The following SPEF2 variants were observed in gnomAD, a reference collection of about 807,000 sequenced individuals.
SPEF2 encodes sperm flagellar and cilia associated 2.
In SPEF2, 187 loss-of-function variants were observed where a neutral mutation model predicts 224.6. That is an observed-to-expected ratio of 0.83 (90% confidence interval 0.74 to 0.94). The LOEUF (loss-of-function observed/expected upper bound fraction) is 0.94. Ranked by LOEUF, SPEF2 falls within the 40% of genes least tolerant of loss-of-function variation. The probability of loss-of-function intolerance (pLI) is 0.00; values close to 1 mark genes in which losing one functional copy is unlikely to be tolerated. For synonymous variants in SPEF2, 715 were observed against 707.3 expected (o/e 1.01, Z -0.17); for missense variants, 2,170 against 2,135.6 (o/e 1.02, Z -0.32).
chr5:35,743,331 A>T (rs1747979968), intron 23 of SPEF2, among the ~76,000 whole-genome samples: 1 of 152,124 alleles, frequency 6.6e-6, no homozygotes, highest in African/African-American at 2.4e-5. Flanking sequence ...CAATCCAGGC[A>T]ATAAAGGCAG....
At chr5:35,804,764 G>C (rs1757860283) in intron 34 of SPEF2, among the ~76,000 whole-genome samples, 1 of 152,276 alleles carries the variant, frequency 6.6e-6, no homozygotes. Flanking sequence ...CCTTTGGAAA[G>C]TAAGTTTCTC....
At chr5:35,708,622 TCCACCA>T (rs1740371990) in intron 18 of SPEF2, among the ~76,000 whole-genome samples, 2 of 524 alleles carry the variant, frequency 3.8e-3, no homozygotes, top group African/African-American at 6.8e-3. Context: ...CACCTCTACC[TCCACCA>T]CCATCACCTC....
At chr5:35,805,011 G>C (rs1757888582) in intron 34 of SPEF2, among the ~76,000 whole-genome samples, 1 of 152,098 alleles carries the variant, frequency 6.6e-6, no homozygotes, top group Non-Finnish European at 1.5e-5. Context: ...CATTGCCCTG[G>C]AAGATTATTG....
intron 19 of SPEF2, among the ~76,000 whole-genome samples, chr5:35,711,093 A>C (rs1271186784): frequency 6.6e-6 from 1 of 152,160 alleles, no homozygotes; most frequent in Non-Finnish European, 1.5e-5. Context: ...ATAATTTACA[A>C]ATTTTCCAAA....
chr5:35,655,292 G>T (rs13359710), intron 7 of SPEF2, among the ~76,000 whole-genome samples: 17,648 of 152,130 alleles, frequency 0.12, 1,896 homozygotes, highest in African/African-American at 0.28. Flanking sequence ...CTGTCTAGGT[G>T]ATCCTGACGC....
intron 4 of SPEF2, 124 bp from the exon 5 acceptor site, chr5:35,646,543 C>G: frequency 1.1e-6 from 1 of 870,832 alleles, no homozygotes. Flanking sequence ...CACCTAGTCT[C>G]TTGGCTAATT....
intron 30 of SPEF2, among the ~76,000 whole-genome samples, chr5:35,791,216 C>T (rs1392413561): frequency 6.6e-6 from 1 of 152,122 alleles, no homozygotes; most frequent in East Asian, 1.9e-4. Context: ...ACTGGATACT[C>T]AGGTTTGATG....
Position 35,771,699 on chromosome 5 carries a change from A to G in SPEF2, c.3892A>G (p.Asn1298Asp). Reference sequence around the variant, plus strand: ...AGAAAAATCTCCTCAGATGGGTGCAAATAAAAAAGTCAAAAAGGAGCCACC... The same window carrying G: ...AGAAAAATCTCCTCAGATGGGTGCAGATAAAAAAGTCAAAAAGGAGCCACC... ...PKEKSPQMGA[N>D]KKVKKEPPKK... Residue 1298 changes from asparagine to aspartate, a missense_variant, in exon 27 of 37, where the codon AAT (asparagine) becomes GAT (aspartate). Asn to Asp is a conservative substitution (Grantham distance 23). Coordinates refer to ENST00000356031, the MANE Select transcript of SPEF2 (RefSeq NM_024867.4). 6.2e-7 allele frequency: 1 copy of G among 1,603,044 alleles called. No individual in the cohort carries two copies. The highest frequency in any genetic ancestry group is 8.5e-7 in the Non-Finnish European group (1 of 1,177,432).
At position 35,659,113 on chromosome 5, in the gene SPEF2, A is replaced by G. The variant is rs780486254; in HGVS notation, c.1073A>G (p.Glu358Gly). Residue 358 changes from glutamate to glycine, a missense_variant, in exon 8 of 37, where the codon GAA becomes GGA. Coordinates refer to ENST00000356031, the MANE Select transcript of SPEF2 (RefSeq NM_024867.4). ...IAVQLMHVRH[E>G]KEVLWQNRIF... ...GTGCAGCTCATGCATGTTCGGCATG[A>G]AAAGGAAGTTTTATGGCAAAACAGA... 1 of 1,613,360 alleles carries G rather than the reference A, an allele frequency of 6.2e-7. No individual in the cohort carries two copies. The highest frequency in any genetic ancestry group is 2.2e-5 in the East Asian group (1 of 44,826).
At chr5:35,727,175 A>G (rs1561268664) in intron 20 of SPEF2, among the ~76,000 whole-genome samples, 1 of 152,110 alleles carries the variant, frequency 6.6e-6, no homozygotes, top group Non-Finnish European at 1.5e-5. Context: ...AGGGGCTTCA[A>G]CAGCCCCTCT....
rs181068601 is a variant in SPEF2 at position 35,737,675 on chromosome 5, C to T, written c.3064-2244C>T. ...TGTGAATAGTGCCGCAATAAACATA[C>T]GTATGCATGTGTCTTTATAGCAGCA... is the stretch of plus-strand genomic sequence containing the variant. On this transcript the variant is annotated intron_variant, in intron 21 of 36. Transcript: ENST00000356031. Among the ~76,000 whole-genome samples the T allele has an allele frequency of 4.7e-3, 709 of 152,232 alleles. 10 individuals are homozygous for T. Among genetic ancestry groups the T allele is most frequent in the African/African-American group, 0.016 (668 of 41,536 alleles).
chr5:35,722,346 A>G (rs7448303), intron 20 of SPEF2, among the ~76,000 whole-genome samples: 18,765 of 152,050 alleles, frequency 0.12, 1,228 homozygotes, highest in African/African-American at 0.16. Context: ...TATCCAGTAG[A>G]AAAAACGAAA....
chr5:35,744,295 G>A (rs770597472), intron 23 of SPEF2, among the ~76,000 whole-genome samples: 13 of 152,062 alleles, frequency 8.5e-5, no homozygotes, highest in South Asian at 2.1e-4. Flanking sequence ...TCTTAAATAC[G>A]TCTCTGATTT....
chr5:35,782,833 A>C (rs1037508322), intron 30 of SPEF2, among the ~76,000 whole-genome samples: 3 of 152,320 alleles, frequency 2.0e-5, no homozygotes, highest in East Asian at 3.9e-4. Flanking sequence ...TTCTGGTCAA[A>C]TTCTGCCACT....
chr5:35,789,844 A>C, intron 30 of SPEF2: 1 of 702,998 alleles, frequency 1.4e-6, no homozygotes, highest in Non-Finnish European at 2.6e-6. Context: ...CACATTATGA[A>C]CCAGTATTAG....
At chr5:35,702,359 G>A (rs1255033854) in intron 16 of SPEF2, 1 of 455,206 alleles carries the variant, frequency 2.2e-6, no homozygotes, top group Admixed American at 2.4e-5. Context: ...CAGGAGACTG[G>A]GGGATGTAAG....
At chr5:35,676,979 T>C (rs190825205) in intron 10 of SPEF2, among the ~76,000 whole-genome samples, 34 of 152,204 alleles carry the variant, frequency 2.2e-4, no homozygotes, top group African/African-American at 8.2e-4. Context: ...CTTTGACACA[T>C]TGATCAATGT....
At chr5:35,810,008 G>T (rs574440411) in intron 36 of SPEF2, among the ~76,000 whole-genome samples, 3 of 152,096 alleles carry the variant, frequency 2.0e-5, no homozygotes, top group African/African-American at 7.2e-5. Flanking sequence ...CTCTCATACT[G>T]GAAAGAAAAC....
chr5:35,652,722 C>G (rs1192319976), intron 6 of SPEF2, among the ~76,000 whole-genome samples: 1 of 152,108 alleles, frequency 6.6e-6, no homozygotes, highest in Non-Finnish European at 1.5e-5. Context: ...CTGGGAGGCG[C>G]AAACCTCCAA....
Sources: allele counts gnomAD v4.1 joint callset (sites outside exome capture counted in the v4.1 genomes callset), GRCh38; gene constraint gnomAD v4.1.1; transcripts MANE v1.5; gene names NCBI Gene and HGNC (gene_info 2026-07-23, HGNC 2026-07-21).